SPACA6: variants seen among roughly 807,000 people sequenced by gnomAD.
SPACA6 encodes the protein sperm acrosome associated 6, also known as sperm acrosome membrane-associated protein 6.
For missense variants in SPACA6, 8 were observed against 2.8 expected (o/e 2.88, Z -1.34); for synonymous variants, 6 against 1.5 (o/e 4.05, Z -2.21).
At chr19:51,685,819 T>G (rs1277469247), upstream of SPACA6, 2 of 152,208 alleles carry the variant, frequency 1.3e-5, no homozygotes, top group Admixed American at 1.3e-4. Flanking sequence ...CCCAGCCCCA[T>G]GAAACAAAGT....
At chr19:51,696,563 T>C (rs561667552) in intron 2 of SPACA6, among the ~76,000 whole-genome samples, 1 of 152,268 alleles carries the variant, frequency 6.6e-6, no homozygotes, top group African/African-American at 2.4e-5. Flanking sequence ...TCTTCCTGCC[T>C]CAGCCTCCCA....
intron 2 of SPACA6, among the ~76,000 whole-genome samples, chr19:51,695,822 G>A (rs1046229932): frequency 6.6e-5 from 10 of 152,144 alleles, no homozygotes; most frequent in African/African-American, 2.4e-4. Flanking sequence ...AGGCCCGAGT[G>A]GGGGCTGGGG....
upstream of SPACA6, chr19:51,688,433 A>T: frequency 6.6e-6 from 1 of 152,252 alleles, no homozygotes; most frequent in Non-Finnish European, 1.5e-5. Flanking sequence ...CCTGTGTCAT[A>T]CCCAGATCAC....
At chr19:51,697,649 G>A (rs184287153) in intron 2 of SPACA6, among the ~76,000 whole-genome samples, 4 of 152,240 alleles carry the variant, frequency 2.6e-5, no homozygotes, top group East Asian at 1.9e-4. Context: ...TGACTTTTGC[G>A]TCTCCTCCAG....
upstream of SPACA6, chr19:51,685,247 G>C (rs2083323448): frequency 6.6e-6 from 1 of 152,168 alleles, no homozygotes; most frequent in African/African-American, 2.4e-5. Context: ...TGATGAGAAT[G>C]GTGGCCCCTG....
In SPACA6 at chr19:51,703,366, G is replaced by C. The variant is rs1028282290; in HGVS notation, c.573+29G>C. 7 of 399,020 alleles carry C rather than the reference G, an allele frequency of 1.8e-5. No individual in the cohort carries two copies. The highest frequency in any genetic ancestry group is 3.1e-5 in the Non-Finnish European group (7 of 226,028). 24.7% of individuals were successfully genotyped at this position (399,020 alleles called of 1,614,324 possible). On this transcript the variant is annotated intron_variant, in intron 6 of 8. Transcript: ENST00000637797. This position sits in a 1 kb window ranked among gnomAD's most constrained non-coding sequence, Gnocchi z 4.2. Reference sequence around the variant, plus strand: ...AGTCGGGGCGGGGCCGGCGCGAAGAGTTTAGACGGGCGAGTTAGCCTTCAC... The same window carrying C: ...AGTCGGGGCGGGGCCGGCGCGAAGACTTTAGACGGGCGAGTTAGCCTTCAC...
At chr19:51,688,949 G>GGAGAGAGA (rs945716319), upstream of SPACA6, among the ~76,000 whole-genome samples, 3 of 151,310 alleles carry the variant, frequency 2.0e-5, no homozygotes, top group South Asian at 2.1e-4. Context: ...AGGGAGAGAG[G>GGAGAGAGA]GAGAGAGAGA....
chr19:51,688,902 GGAGAGAGAGA>G (rs138147326), upstream of SPACA6, among the ~76,000 whole-genome samples: 1 of 70,942 alleles, frequency 1.4e-5, no homozygotes, highest in Admixed American at 2.0e-4. Context: ...AGGGAAAGAG[GGAGAGAGAGA>G]GAGAGAGAAC....
upstream of SPACA6, chr19:51,688,281 G>A (rs12461641): frequency 0.018 from 2,819 of 152,864 alleles, 55 homozygotes; most frequent in East Asian, 0.067. Context: ...CCTGCCTTGG[G>A]CCTTCGCTTC....
At chr19:51,697,535 A>T (rs4802840) in intron 2 of SPACA6, among the ~76,000 whole-genome samples, 35,420 of 152,100 alleles carry the variant, frequency 0.23, 4,192 homozygotes, top group South Asian at 0.29. Flanking sequence ...GCTTATCAGA[A>T]GGGAACGCTG....
At position 51,693,423 on chromosome 19, in the gene SPACA6, C is replaced by T; in HGVS notation, c.-104C>T. 1 of 632,592 alleles carries T rather than the reference C, an allele frequency of 1.6e-6. No homozygotes were observed. Among genetic ancestry groups the T allele is most frequent in the Admixed American group, 2.1e-5 (1 of 46,780 alleles). 39.2% of individuals were successfully genotyped at this position (632,592 alleles called of 1,614,324 possible). A position where few individuals can be genotyped will look rare whatever the true frequency, so the allele number is the denominator to read the frequency against. Reference sequence around the variant, plus strand: ...TCCTCCAGAGCATGACATTTGACCACCAACTGAAACCTGACCTCTGACCCC... The same window carrying T: ...TCCTCCAGAGCATGACATTTGACCATCAACTGAAACCTGACCTCTGACCCC... On this transcript the variant is annotated 5_prime_UTR_variant, in exon 1 of 9. Transcript: ENST00000637797.
downstream of SPACA6, among the ~76,000 whole-genome samples, chr19:51,708,367 C>T (rs113466805): frequency 3.3e-5 from 5 of 151,988 alleles, no homozygotes; most frequent in South Asian, 4.2e-4. Context: ...CAGTAAAATA[C>T]GAAATATGGT....
intron 2 of SPACA6, among the ~76,000 whole-genome samples, chr19:51,697,322 C>T (rs2083437339): frequency 6.6e-6 from 1 of 152,108 alleles, no homozygotes. Context: ...AGAAGCCGGC[C>T]CATGGTGGCT....
chr19:51,683,264 C>T, the SPACA6 span, among the ~76,000 whole-genome samples: 26,744 of 152,094 alleles, frequency 0.18, 2,610 homozygotes, highest in African/African-American at 0.23. Context: ...AGTATTTTAT[C>T]TGCATCTTCA....
chr19:51,703,908 G>C lies in SPACA6; in HGVS notation c.574-122G>C, dbSNP rs1345368291. 2 of 397,660 alleles carry C rather than the reference G, an allele frequency of 5.0e-6. No individual in the cohort carries two copies. The highest frequency in any genetic ancestry group is 4.1e-5 in the African/African-American group (2 of 48,588). 24.6% of individuals were successfully genotyped at this position (397,660 alleles called of 1,614,324 possible). On this transcript the variant is annotated intron_variant, in intron 6 of 8. Coordinates refer to ENST00000637797, the MANE Select transcript of SPACA6 (RefSeq NM_001316972.2). The surrounding 1 kb of genome is among the most constrained non-coding windows in gnomAD (Gnocchi z 4.2). ...TTAGGGCAGGGGAGCGAGAAGGCTCGGGGGCGGGCTCAAGGCTCAGGGCCA... is the reference window on the plus strand; with the variant it reads ...TTAGGGCAGGGGAGCGAGAAGGCTCCGGGGCGGGCTCAAGGCTCAGGGCCA...
At chr19:51,701,173 G>T (rs1400263011) in intron 2 of SPACA6, among the ~76,000 whole-genome samples, 1 of 152,132 alleles carries the variant, frequency 6.6e-6, no homozygotes, top group African/African-American at 2.4e-5. Context: ...GGTGAGCCGA[G>T]ATCGCACCAC....
chr19:51,706,670 CTT>C (rs66487452), downstream of SPACA6, among the ~76,000 whole-genome samples: 7 of 146,652 alleles, frequency 4.8e-5, no homozygotes, highest in South Asian at 2.2e-4. Flanking sequence ...AATGTTAACT[CTT>C]TTTTTTTTTT....
Position 51,698,796 on chromosome 19 carries a change from T to A in SPACA6, c.293-2862T>A, listed in dbSNP as rs1200103403. On this transcript the variant is annotated intron_variant, in intron 2 of 8. Transcript: ENST00000637797. ...CAATGGCTTTAAGCCCGTAGGAAGT[T>A]TAGCTCTCCTATATAAAGTAAGTCT... 2.0e-5 allele frequency among the ~76,000 whole-genome samples: 3 copies of A among 152,316 alleles called. No homozygotes were observed. In the East Asian group the frequency reaches 5.8e-4, roughly 29 times the overall value.
At chr19:51,695,557 C>T (rs1391796248) in intron 2 of SPACA6, among the ~76,000 whole-genome samples, 1 of 152,160 alleles carries the variant, frequency 6.6e-6, no homozygotes, top group Non-Finnish European at 1.5e-5. Flanking sequence ...CCAGGGCCAG[C>T]CTGGAGAAGG....
Sources: gnomAD v4.1 joint callset for allele counts (sites outside exome capture counted in the v4.1 genomes callset) on GRCh38, gnomAD v4.1.1 for gene constraint, Gnocchi (gnomAD v3.1) non-coding constraint, MANE v1.5 for transcripts, NCBI Gene and HGNC (gene_info 2026-07-23, HGNC 2026-07-21) for gene names.